PCDHGB2: variants seen among roughly 807,000 people sequenced by gnomAD.
PCDHGB2 encodes protocadherin gamma subfamily B, 2.
In PCDHGB2, 55 loss-of-function variants were observed where a neutral mutation model predicts 59.3. That is an observed-to-expected ratio of 0.93 (90% CI 0.75 to 1.16). PCDHGB2 has a LOEUF of 1.16. Ranked by LOEUF, PCDHGB2 falls within the 50% of genes most tolerant of loss-of-function variation. The pLI, the probability that PCDHGB2 is intolerant of heterozygous loss-of-function variation, is 0.00. For missense variants in PCDHGB2, 1,228 were observed against 1,198.5 expected, an observed-to-expected ratio of 1.02 and a Z score of -0.36; for synonymous variants, 516 against 512.0, an observed-to-expected ratio of 1.01 and a Z score of -0.11.
chr5:141,377,133 G>A (rs1013848288), intron 1 of PCDHGB2: 25 of 152,138 alleles, frequency 1.6e-4, no homozygotes, highest in African/African-American at 5.8e-4. Flanking sequence ...ATTTTGTGGG[G>A]GAAAATAATG....
At chr5:141,460,987 A>C (rs201722325) in intron 1 of PCDHGB2, among the ~76,000 whole-genome samples, 1 of 92,990 alleles carries the variant, frequency 1.1e-5, no homozygotes, top group South Asian at 3.4e-4. Context: ...GTGTGTGTAT[A>C]TATATATATG....
intron 1 of PCDHGB2, chr5:141,422,041 G>A (rs371079504): frequency 2.1e-5 from 34 of 1,611,632 alleles, no homozygotes; most frequent in Non-Finnish European, 2.9e-5. Flanking sequence ...GGATCCAGAC[G>A]AGGGAATCAA....
At position 141,372,147 on chromosome 5, in the gene PCDHGB2, G is replaced by A. The variant is rs374383984; in HGVS notation, c.2421+9591G>A. ...TATGGTGCCGCGCTCTGCAGAGCCT[G>A]GCTACCTGGTGACCAAGGTGGTGGC... On this transcript the variant is annotated intron_variant, in intron 1 of 3. Coordinates refer to ENST00000522605, the MANE Select transcript of PCDHGB2 (RefSeq NM_018923.3). 52 of 1,613,776 alleles carry A rather than the reference G, an allele frequency of 3.2e-5. No homozygotes were observed. In the Middle Eastern group the frequency reaches 5.0e-4, roughly 15 times the overall value.
intron 2 of PCDHGB2, among the ~76,000 whole-genome samples, chr5:141,499,182 C>T (rs980293990): frequency 5.3e-5 from 8 of 152,114 alleles, no homozygotes; most frequent in African/African-American, 1.7e-4. Flanking sequence ...GCCCAGCAAA[C>T]CATTTCCCCC....
At chr5:141,420,027 C>T in intron 1 of PCDHGB2, 3 of 1,614,082 alleles carry the variant, frequency 1.9e-6, no homozygotes, top group Non-Finnish European at 2.5e-6. Flanking sequence ...AGCCCTACTG[C>T]AGGAGACTGC....
rs1330784633 is a variant in PCDHGB2 at position 141,476,330 on chromosome 5, G to A, written c.2422-18477G>A. On this transcript the variant is annotated intron_variant, in intron 1 of 3. Transcript: ENST00000522605. This position sits in a 1 kb window ranked among gnomAD's most constrained non-coding sequence, Gnocchi z 7.6. ...CCGCAGGTTCCGGGTGGTGTCTGGA[G>A]CTAGCCGAAGATTCTTTGAGGTGAA... The A allele has an allele frequency of 1.2e-6, 2 of 1,614,092 alleles. No homozygotes were observed. The highest frequency in any genetic ancestry group is 1.6e-4 in the Middle Eastern group (1 of 6,084).
In PCDHGB2 at chr5:141,359,995, T is replaced by C; in HGVS notation, c.-141T>C. On this transcript the variant is annotated 5_prime_UTR_variant, in exon 1 of 4. Transcript: ENST00000522605. ...GGGAGCCTCTTAGAGGGGAACTTCC[T>C]GCACAAACCAACCACACAGAGAAGG... 9.2e-7 allele frequency: 1 copy of C among 1,091,948 alleles called. No individual in the cohort carries two copies. Among genetic ancestry groups the C allele is most frequent in the Non-Finnish European group, 1.3e-6 (1 of 799,358 alleles). The allele number at this position is 1,091,948 out of a possible 1,614,324, so 67.6% of individuals were successfully genotyped here. A position where few individuals can be genotyped will look rare whatever the true frequency, so the allele number is the denominator to read the frequency against.
At chr5:141,478,788 T>A (rs576491824) in intron 1 of PCDHGB2, 147 of 1,473,736 alleles carry the variant, frequency 1.0e-4, no homozygotes, top group Non-Finnish European at 1.3e-4. Context: ...CTAATTCACA[T>A]CCTCAGCACT....
At chr5:141,449,282 G>A (rs1285842278) in intron 1 of PCDHGB2, among the ~76,000 whole-genome samples, 17 of 152,002 alleles carry the variant, frequency 1.1e-4, no homozygotes, top group Admixed American at 4.6e-4. Context: ...CCTTCACCCG[G>A]ATGCACCGGG....
At chr5:141,452,421 C>A (rs1211472567) in intron 1 of PCDHGB2, among the ~76,000 whole-genome samples, 2 of 152,180 alleles carry the variant, frequency 1.3e-5, no homozygotes, top group Non-Finnish European at 2.9e-5. Context: ...ATGCTCACTG[C>A]TAATGGGCTG....
intron 1 of PCDHGB2, among the ~76,000 whole-genome samples, chr5:141,407,687 G>A (rs866314437): frequency 1.3e-5 from 2 of 152,126 alleles, no homozygotes; most frequent in African/African-American, 2.4e-5. Context: ...TGGCTTTGTG[G>A]TGATCATTGT....
chr5:141,505,634 A>T, intron 3 of PCDHGB2, 153 bp downstream of exon 3: 6 of 971,426 alleles, frequency 6.2e-6, no homozygotes, highest in Non-Finnish European at 7.3e-6. Context: ...CCAAACATAA[A>T]GCCTGGAATT....
intron 1 of PCDHGB2, chr5:141,421,895 G>T: frequency 2.5e-6 from 4 of 1,613,730 alleles, no homozygotes; most frequent in Non-Finnish European, 3.4e-6. Context: ...GATCCCATCC[G>T]AAAGGGCGCA....
In PCDHGB2 at chr5:141,487,470, G is replaced by C; in HGVS notation, c.2422-7337G>C. ...GACCCTATCAAGTTTGTTGATGTGG[G>C]AGGCCACTCTCATGGCTGTACACCC... On this transcript the variant is annotated intron_variant, in intron 1 of 3. Coordinates refer to ENST00000522605, the MANE Select transcript of PCDHGB2 (RefSeq NM_018923.3). The surrounding 1 kb of genome is among the most constrained non-coding windows in gnomAD (Gnocchi z 5.0). The C allele has an allele frequency of 1.9e-6, 3 of 1,614,162 alleles. No individual in the cohort carries two copies. Among genetic ancestry groups the C allele is most frequent in the South Asian group, 1.1e-5 (1 of 91,084 alleles).
At chr5:141,420,468 T>G in intron 1 of PCDHGB2, 1 of 799,886 alleles carries the variant, frequency 1.3e-6, no homozygotes, top group East Asian at 3.3e-5. Context: ...CAAAGACATT[T>G]TAAAGCAAAC....
At chr5:141,393,639 A>G in intron 1 of PCDHGB2, 1 of 1,613,964 alleles carries the variant, frequency 6.2e-7, no homozygotes, top group Non-Finnish European at 8.5e-7. Context: ...AATCAACGGA[A>G]AAGTGGCATA....
At chr5:141,440,617 C>T (rs1469883341) in intron 1 of PCDHGB2, 1 of 152,168 alleles carries the variant, frequency 6.6e-6, no homozygotes, top group East Asian at 1.9e-4. Context: ...TGCAGAAGAT[C>T]CTGATGTTGA....
At chr5:141,417,602 C>T (rs556223277) in intron 1 of PCDHGB2, 2 of 510,170 alleles carry the variant, frequency 3.9e-6, no homozygotes, top group Admixed American at 3.8e-5. Context: ...TGGGCGCCGC[C>T]GTCGGCCAGT....
In PCDHGB2 at chr5:141,413,182, G is replaced by C. The variant is rs752788034; in HGVS notation, c.2421+50626G>C. On this transcript the variant is annotated intron_variant, in intron 1 of 3. Transcript: ENST00000522605. ...ATTCTGTAACCAGACTACAATGGCCGCTCAAAGGAATCGCTCAAAGGAATC... is the reference window on the plus strand; with the variant it reads ...ATTCTGTAACCAGACTACAATGGCCCCTCAAAGGAATCGCTCAAAGGAATC... 3.1e-6 allele frequency: 5 copies of C among 1,604,164 alleles called. No homozygotes were observed. In the South Asian group the frequency reaches 5.5e-5, roughly 18 times the overall value.
Sources: gnomAD v4.1 joint callset for allele counts (sites outside exome capture counted in the v4.1 genomes callset) on GRCh38, gnomAD v4.1.1 for gene constraint, Gnocchi (gnomAD v3.1) non-coding constraint, MANE v1.5 for transcripts, NCBI Gene and HGNC (gene_info 2026-07-23, HGNC 2026-07-21) for gene names.